Variants in CCDC171 observed in about 807,000 individuals in gnomAD.
CCDC171 encodes coiled-coil domain-containing protein 171.
A neutral mutation model predicts 168.2 loss-of-function variants in CCDC171; 177 were observed. The ratio of observed to expected loss-of-function variants is 1.05; its 90% CI spans 0.93 to 1.19. The LOEUF (loss-of-function observed/expected upper bound fraction) is 1.19, where lower values mean the gene tolerates loss of function less well. CCDC171 is among the 50% of genes most tolerant of loss of function. The pLI, the probability that CCDC171 is intolerant of heterozygous loss-of-function variation, is 0.00. For missense variants in CCDC171, 1,991 were observed against 1,539.0 expected (o/e 1.29, Z -4.91); for synonymous variants, 687 against 540.8 (o/e 1.27, Z -3.75).
intron 7 of CCDC171, among the ~76,000 whole-genome samples, chr9:15,651,327 T>G (rs2047504841): frequency 1.3e-5 from 2 of 152,176 alleles, no homozygotes. Context: ...CAGCCTGGTC[T>G]TGAACTCCTG....
intron 11 of CCDC171, among the ~76,000 whole-genome samples, chr9:15,713,046 A>AT (rs1276484116): frequency 3.3e-5 from 5 of 152,084 alleles, no homozygotes; most frequent in African/African-American, 1.2e-4. Context: ...CTTGTTACCA[A>AT]TTTTCTATTC....
chr9:15,769,203 T>G (rs1292456492), intron 18 of CCDC171, among the ~76,000 whole-genome samples: 2 of 152,252 alleles, frequency 1.3e-5, no homozygotes. Context: ...AGAAGTTTTT[T>G]TCTTGTCAGT....
the CCDC171 span, among the ~76,000 whole-genome samples, chr9:16,095,532 C>T: frequency 1.4e-4 from 22 of 152,100 alleles, no homozygotes; most frequent in African/African-American, 4.1e-4. Flanking sequence ...CTCACACACA[C>T]GCTCTCTCTT....
At chr9:16,075,855 T>C in the CCDC171 span, among the ~76,000 whole-genome samples, 88 of 151,404 alleles carry the variant, frequency 5.8e-4, no homozygotes, top group African/African-American at 2.1e-3. Flanking sequence ...TAGCATAGCA[T>C]AGCACAGCAC....
At chr9:15,776,487 A>C (rs145663814) in intron 18 of CCDC171, among the ~76,000 whole-genome samples, 4 of 152,282 alleles carry the variant, frequency 2.6e-5, no homozygotes, top group African/African-American at 9.6e-5. Context: ...TACCTGGAGG[A>C]TATTATGCTT....
intron 24 of CCDC171, among the ~76,000 whole-genome samples, chr9:15,909,577 A>G (rs1823309652): frequency 6.6e-6 from 1 of 152,172 alleles, no homozygotes; most frequent in East Asian, 1.9e-4. Context: ...CTAGAGTACA[A>G]TTCCACATCT....
intron 20 of CCDC171, among the ~76,000 whole-genome samples, chr9:15,782,637 G>A (rs971749936): frequency 6.6e-6 from 1 of 152,058 alleles, no homozygotes; most frequent in Non-Finnish European, 1.5e-5. Flanking sequence ...GGCAAGGAGT[G>A]GTAATTTAAA....
intron 3 of CCDC171, among the ~76,000 whole-genome samples, chr9:16,012,432 T>C (rs1442331839): frequency 2.0e-5 from 3 of 152,186 alleles, no homozygotes; most frequent in African/African-American, 7.2e-5. Context: ...CCCTCCTGAA[T>C]TCATCATCTG....
chr9:15,854,733 T>C (rs768370108), intron 23 of CCDC171, among the ~76,000 whole-genome samples: 23 of 151,722 alleles, frequency 1.5e-4, no homozygotes, highest in Non-Finnish European at 3.0e-4. Flanking sequence ...TTTACAGCTA[T>C]AGATTTCTGT....
At chr9:15,895,177 C>T (rs1356368223) in intron 24 of CCDC171, among the ~76,000 whole-genome samples, 1 of 152,082 alleles carries the variant, frequency 6.6e-6, no homozygotes, top group Non-Finnish European at 1.5e-5. Context: ...TAAATAATTC[C>T]TGTTTTTCAA....
chr9:15,777,569 T>G, intron 18 of CCDC171, 31 bp from the exon 19 acceptor site: 1 of 1,383,948 alleles, frequency 7.2e-7, no homozygotes, highest in South Asian at 1.2e-5. Context: ...ACAATTCACA[T>G]TTTTGTGCCT....
At chr9:15,672,664 T>TGTGTG (rs2049209176) in intron 9 of CCDC171, among the ~76,000 whole-genome samples, 1 of 152,204 alleles carries the variant, frequency 6.6e-6, no homozygotes, top group Non-Finnish European at 1.5e-5. Context: ...TGGTTGTAGA[T>TGTGTG]GTGTGGTGTT....
At chr9:15,635,789 T>G (rs569003519) in intron 7 of CCDC171, among the ~76,000 whole-genome samples, 1 of 152,298 alleles carries the variant, frequency 6.6e-6, no homozygotes, top group East Asian at 1.9e-4. Context: ...TGTTTTCAGT[T>G]GTCTTTATGA....
At chr9:15,989,363 G>A (rs961625146) in intron 3 of CCDC171, among the ~76,000 whole-genome samples, 1 of 152,120 alleles carries the variant, frequency 6.6e-6, no homozygotes, top group African/African-American at 2.4e-5. Context: ...TGCAGCTGAG[G>A]GTCCTGACTG....
At chr9:15,748,492 G>T (rs1338048348) in intron 18 of CCDC171, among the ~76,000 whole-genome samples, 1 of 152,066 alleles carries the variant, frequency 6.6e-6, no homozygotes, top group Non-Finnish European at 1.5e-5. Context: ...GATATTCCTC[G>T]AGATGAGCAA....
At chr9:15,798,278 G>C (rs1310379586) in intron 21 of CCDC171, among the ~76,000 whole-genome samples, 2 of 151,948 alleles carry the variant, frequency 1.3e-5, no homozygotes, top group African/African-American at 2.4e-5. Flanking sequence ...TCCTCTTTCA[G>C]TCCTCATACT....
intron 24 of CCDC171, among the ~76,000 whole-genome samples, chr9:15,900,781 T>C (rs1363106104): frequency 6.6e-6 from 1 of 152,168 alleles, no homozygotes; most frequent in Non-Finnish European, 1.5e-5. Flanking sequence ...GTCTTCTGGG[T>C]TTGGAAGCTT....
intron 10 of CCDC171, among the ~76,000 whole-genome samples, chr9:15,687,800 A>T (rs185626081): frequency 4.6e-5 from 7 of 152,332 alleles, no homozygotes; most frequent in Admixed American, 3.9e-4. Flanking sequence ...TTCTAGAAAG[A>T]CACAAATTAC....
chr9:15,720,359 T>C (rs1022644511), intron 11 of CCDC171, among the ~76,000 whole-genome samples: 5 of 152,172 alleles, frequency 3.3e-5, no homozygotes, highest in Non-Finnish European at 7.4e-5. Flanking sequence ...TTATCTACTA[T>C]CTTTCTCTTA....
Sources: gnomAD v4.1 joint callset for allele counts (sites outside exome capture counted in the v4.1 genomes callset) on GRCh38, gnomAD v4.1.1 for gene constraint, MANE v1.5 for transcripts, NCBI Gene and HGNC (gene_info 2026-07-23, HGNC 2026-07-21) for gene names.